The following WWTR1 variants were observed in gnomAD, a reference collection of about 807,000 sequenced individuals.
WWTR1 encodes WW domain containing transcription regulator 1.
WWTR1 carries 13 observed loss-of-function variants against 40.1 expected under a neutral mutation model. That is an observed-to-expected ratio of 0.32 (90% CI 0.21 to 0.52). The LOEUF is 0.52. Among genes scored for constraint, WWTR1 ranks in the 20% least tolerant of loss-of-function variants. WWTR1 has a pLI of 0.97. For synonymous variants in WWTR1, 230 were observed against 210.1 expected (o/e 1.09, Z -0.82); for missense variants, 436 against 523.1 (o/e 0.83, Z 1.63).
chr3:149,550,781 A>T (rs1736585555), intron 3 of WWTR1, among the ~76,000 whole-genome samples: 1 of 115,484 alleles, frequency 8.7e-6, no homozygotes, highest in Non-Finnish European at 1.9e-5. Flanking sequence ...ATATCTGCTG[A>T]CATTTTCCAT....
At chr3:149,686,489 C>T (rs1294714593) in intron 1 of WWTR1, among the ~76,000 whole-genome samples, 1 of 152,042 alleles carries the variant, frequency 6.6e-6, no homozygotes, top group Non-Finnish European at 1.5e-5. Context: ...TATGAATAGC[C>T]ACTGCACTCC....
intron 3 of WWTR1, among the ~76,000 whole-genome samples, chr3:149,570,307 G>A (rs938520629): frequency 1.3e-5 from 2 of 152,140 alleles, no homozygotes; most frequent in African/African-American, 2.4e-5. Flanking sequence ...CGGGTCTCAC[G>A]CCTGTAGTCC....
intron 2 of WWTR1, among the ~76,000 whole-genome samples, chr3:149,625,433 C>T (rs1740503850): frequency 6.6e-6 from 1 of 152,020 alleles, no homozygotes; most frequent in Non-Finnish European, 1.5e-5. Flanking sequence ...TACCCTTTTT[C>T]ATCCCTGCCT....
chr3:149,649,879 T>C (rs1712756735), intron 2 of WWTR1: 1 of 142,094 alleles, frequency 7.0e-6, no homozygotes, highest in Non-Finnish European at 1.5e-5. Flanking sequence ...ATGGCGCCAT[T>C]GCACTCCAGC....
intron 2 of WWTR1, among the ~76,000 whole-genome samples, chr3:149,626,751 A>G (rs569697949): frequency 5.9e-5 from 9 of 152,294 alleles, no homozygotes; most frequent in African/African-American, 1.7e-4. Flanking sequence ...ACATGGGGTG[A>G]TGAAATACAC....
intron 4 of WWTR1, among the ~76,000 whole-genome samples, chr3:149,718,560 A>G (rs1021824643): frequency 6.6e-6 from 1 of 152,242 alleles, no homozygotes; most frequent in Admixed American, 6.5e-5. Context: ...TTGTGCAAAC[A>G]TCACCAGCAT....
At chr3:149,530,685 A>G (rs1343077604) in intron 4 of WWTR1, among the ~76,000 whole-genome samples, 1 of 152,056 alleles carries the variant, frequency 6.6e-6, no homozygotes, top group Non-Finnish European at 1.5e-5. Context: ...TGAAAAACCT[A>G]TACTATATTG....
chr3:149,612,454 C>G (rs1013355691), intron 2 of WWTR1, among the ~76,000 whole-genome samples: 5 of 151,760 alleles, frequency 3.3e-5, no homozygotes, highest in Non-Finnish European at 7.4e-5. Flanking sequence ...AACCTAGAAC[C>G]CTTAAGAGAA....
In WWTR1 at chr3:149,675,994, C is replaced by T. The variant is rs180713606; in HGVS notation, c.-107-6103G>A. Among the ~76,000 whole-genome samples, 347 of 152,204 alleles carry T rather than the reference C, an allele frequency of 2.3e-3. 1 individual carries two copies. Among genetic ancestry groups the T allele is most frequent in the African/African-American group, 7.9e-3 (328 of 41,528 alleles). ...TGCTGGGATTACAGGCGTGAGCCAC[C>T]GCGCCCAGCCTAGAACTCAAAATTT... On this transcript the variant is annotated intron_variant, in intron 1 of 7. Transcript: ENST00000465804.
At chr3:149,563,282 C>T (rs1737167860) in intron 3 of WWTR1, among the ~76,000 whole-genome samples, 1 of 152,092 alleles carries the variant, frequency 6.6e-6, no homozygotes, top group African/African-American at 2.4e-5. Flanking sequence ...AAAAGGCCTC[C>T]CTCTTCCCCA....
chr3:149,717,336 A>G (rs1715637924), intron 5 of WWTR1: 1 of 152,242 alleles, frequency 6.6e-6, no homozygotes, highest in Admixed American at 6.5e-5. Flanking sequence ...ACAAACAAAC[A>G]AACAAAAAAG....
Position 149,676,843 on chromosome 3 carries a change from C to G in WWTR1, c.-107-6952G>C, listed in dbSNP as rs533162928. Among the ~76,000 whole-genome samples, 7 of 151,756 alleles carry G rather than the reference C, an allele frequency of 4.6e-5. No individual in the cohort carries two copies. In the South Asian group the frequency reaches 1.5e-3, roughly 32 times the overall value. Reference sequence around the variant, plus strand: ...GTCAGCAAAAGAGTCAGAGAAGGAGCAACCAGAAAGATTATGTTAAATCCT... The same window carrying G: ...GTCAGCAAAAGAGTCAGAGAAGGAGGAACCAGAAAGATTATGTTAAATCCT... On this transcript the variant is annotated intron_variant, in intron 1 of 7. Coordinates refer to the WWTR1 transcript ENST00000465804.
chr3:149,695,132 G>C (rs1207034670), intron 1 of WWTR1, among the ~76,000 whole-genome samples: 2 of 152,192 alleles, frequency 1.3e-5, no homozygotes, highest in Non-Finnish European at 2.9e-5. Flanking sequence ...TGGAGATAGA[G>C]TGTAGAATGA....
chr3:149,677,593 C>G (rs1433357860), intron 1 of WWTR1, among the ~76,000 whole-genome samples: 2 of 152,138 alleles, frequency 1.3e-5, no homozygotes, highest in African/African-American at 4.8e-5. Flanking sequence ...GTAATCCCAG[C>G]ACTTTGGGAG....
intron 4 of WWTR1, among the ~76,000 whole-genome samples, chr3:149,533,297 T>G (rs1735675651): frequency 6.6e-6 from 1 of 152,136 alleles, no homozygotes; most frequent in South Asian, 2.1e-4. Context: ...ACCCAACACT[T>G]TATCTTACTG....
chr3:149,571,818 A>G (rs1737645296), intron 3 of WWTR1, among the ~76,000 whole-genome samples: 1 of 152,232 alleles, frequency 6.6e-6, no homozygotes, highest in Admixed American at 6.5e-5. Flanking sequence ...TGGAAATGTT[A>G]TCTGAAAATG....
At chr3:149,550,754 T>TCC (rs1437318399) in intron 3 of WWTR1, among the ~76,000 whole-genome samples, 16 of 109,762 alleles carry the variant, frequency 1.5e-4, no homozygotes, top group South Asian at 2.8e-4. Context: ...AAGCAAGGGT[T>TCC]ATAAAAGACT....
chr3:149,524,562 C>T (rs1419705178), intron 6 of WWTR1, among the ~76,000 whole-genome samples: 1 of 152,112 alleles, frequency 6.6e-6, no homozygotes, highest in Non-Finnish European at 1.5e-5. Flanking sequence ...GGGGGAAGAA[C>T]TGAAGTAATA....
intron 2 of WWTR1, among the ~76,000 whole-genome samples, chr3:149,574,515 C>A (rs760684711): frequency 6.6e-6 from 1 of 152,180 alleles, no homozygotes; most frequent in Non-Finnish European, 1.5e-5. Flanking sequence ...CTGTTAAACA[C>A]ACCTCACTTT....
Sources: gnomAD v4.1 joint callset for allele counts (sites outside exome capture counted in the v4.1 genomes callset) on GRCh38, gnomAD v4.1.1 for gene constraint, MANE v1.5 for transcripts, NCBI Gene and HGNC (gene_info 2026-07-23, HGNC 2026-07-21) for gene names.